The following ADAM10 variants were observed in gnomAD, a reference collection of about 807,000 sequenced individuals.
The protein encoded by ADAM10 is disintegrin and metalloproteinase domain-containing protein 10.
Under a neutral mutation model 90.1 loss-of-function variants are expected in ADAM10, and 17 were observed. The ratio of observed to expected loss-of-function variants is 0.19; its 90% CI spans 0.13 to 0.28. The LOEUF (loss-of-function observed/expected upper bound fraction) is 0.28. ADAM10 is among the 10% of genes least tolerant of loss of function. ADAM10 has a pLI of 1.00. For synonymous variants in ADAM10, 310 were observed against 298.6 expected (o/e 1.04, Z -0.40); for missense variants, 610 against 914.3 (o/e 0.67, Z 4.29).
chr15:58,733,637 T>A lies in ADAM10; in HGVS notation c.55+15843A>T, dbSNP rs58271815. On this transcript the variant is annotated intron_variant, in intron 1 of 15. Transcript: ENST00000260408. ...CATTCATGGAACCAATCCCCATAGA[T>A]ACTGAGGGAGAAACTGCATAACCTC... 6.5e-4 allele frequency among the ~76,000 whole-genome samples: 99 copies of A among 152,234 alleles called. No homozygotes were observed. In the East Asian group the frequency reaches 0.018, roughly 28 times the overall value.
At chr15:58,731,373 C>CT (rs1595664779) in intron 1 of ADAM10, among the ~76,000 whole-genome samples, 1 of 152,106 alleles carries the variant, frequency 6.6e-6, no homozygotes, top group Admixed American at 6.5e-5. Context: ...AATCCTAACA[C>CT]TTTGGGGGGC....
intron 1 of ADAM10, among the ~76,000 whole-genome samples, chr15:58,744,728 G>T (rs1327226638): frequency 1.3e-5 from 2 of 152,122 alleles, no homozygotes; most frequent in Admixed American, 6.5e-5. Flanking sequence ...ACCCAAAACT[G>T]GCCAGGCACA....
intron 14 of ADAM10, among the ~76,000 whole-genome samples, chr15:58,599,987 T>C (rs538047466): frequency 5.9e-5 from 9 of 152,266 alleles, no homozygotes; most frequent in Non-Finnish European, 7.4e-5. Context: ...TTAGTCTCTT[T>C]ACATATAACA....
At chr15:58,635,791 TAAAAAA>T (rs35001597) in intron 8 of ADAM10, among the ~76,000 whole-genome samples, 1 of 146,736 alleles carries the variant, frequency 6.8e-6, no homozygotes, top group African/African-American at 2.5e-5. Context: ...CTTTATCAGT[TAAAAAA>T]AAAAAAAGTA....
intron 5 of ADAM10, among the ~76,000 whole-genome samples, chr15:58,652,139 G>T (rs530607453): frequency 2.0e-5 from 3 of 152,054 alleles, no homozygotes; most frequent in East Asian, 3.9e-4. Flanking sequence ...ATATATTCTG[G>T]TTATTAATCC....
chr15:58,693,090 C>A, intron 2 of ADAM10: 1 of 746,250 alleles, frequency 1.3e-6, no homozygotes. Context: ...GGAAAATCTC[C>A]TTGTTGGAAT....
intron 1 of ADAM10, among the ~76,000 whole-genome samples, chr15:58,728,666 T>C (rs930141055): frequency 1.3e-5 from 2 of 152,178 alleles, no homozygotes; most frequent in African/African-American, 4.8e-5. Context: ...TTCCCTAAGA[T>C]ATAAAATTTA....
intron 2 of ADAM10, among the ~76,000 whole-genome samples, chr15:58,705,698 A>C (rs1268849593): frequency 6.6e-6 from 1 of 152,212 alleles, no homozygotes; most frequent in East Asian, 1.9e-4. Context: ...TACCTCCTAC[A>C]TCTTAATATA....
chr15:58,735,008 C>T (rs534268459), intron 1 of ADAM10, among the ~76,000 whole-genome samples: 1 of 152,254 alleles, frequency 6.6e-6, no homozygotes, highest in South Asian at 2.1e-4. Flanking sequence ...AGAGACTGGA[C>T]CTATCAACTG....
intron 5 of ADAM10, among the ~76,000 whole-genome samples, chr15:58,657,889 T>A (rs1172380486): frequency 9.9e-6 from 1 of 101,038 alleles, no homozygotes; most frequent in Non-Finnish European, 2.0e-5. Flanking sequence ...GGGGTTTGTG[T>A]TTTTTTTTTT....
chr15:58,694,050 A>G lies in ADAM10; in HGVS notation c.207-11736T>C, dbSNP rs76308871. 5.1e-3 allele frequency among the ~76,000 whole-genome samples: 774 copies of G among 152,336 alleles called. 14 individuals are homozygous for G. The highest frequency in any genetic ancestry group is 0.035 in the East Asian group (182 of 5,192). On this transcript the variant is annotated intron_variant, in intron 2 of 15. Coordinates refer to ENST00000260408, the MANE Select transcript of ADAM10 (RefSeq NM_001110.4). ...CCCTTTGCTAGAATAACATCTCCAA[A>G]TATTAGTAGGGTGTTGAGTACCTGG...
chr15:58,721,321 C>T (rs949602145), intron 1 of ADAM10, among the ~76,000 whole-genome samples: 2 of 152,122 alleles, frequency 1.3e-5, no homozygotes, highest in Non-Finnish European at 2.9e-5. Flanking sequence ...AAACACTTCC[C>T]CGGGACACAC....
intron 5 of ADAM10, among the ~76,000 whole-genome samples, chr15:58,654,476 T>G (rs1208415457): frequency 6.6e-6 from 1 of 152,126 alleles, no homozygotes; most frequent in African/African-American, 2.4e-5. Context: ...CCTCCTGGGT[T>G]CAAGCAATCC....
At chr15:58,616,024 A>G (rs1441694987) in intron 11 of ADAM10, among the ~76,000 whole-genome samples, 1 of 152,104 alleles carries the variant, frequency 6.6e-6, no homozygotes, top group African/African-American at 2.4e-5. Context: ...AAAACTGTGA[A>G]AAGAGACAAA....
At chr15:58,733,219 A>C (rs1899316237) in intron 1 of ADAM10, 1 of 152,260 alleles carries the variant, frequency 6.6e-6, no homozygotes, top group Admixed American at 6.5e-5. Flanking sequence ...TGACCTCTGA[A>C]TGTGAGCTGT....
intron 5 of ADAM10, among the ~76,000 whole-genome samples, chr15:58,652,465 C>T (rs1351307460): frequency 4.6e-5 from 7 of 152,114 alleles, no homozygotes; most frequent in African/African-American, 1.7e-4. Flanking sequence ...ATACGGATAT[C>T]CAGTTTTCCC....
At chr15:58,672,806 A>G (rs1393946442) in intron 4 of ADAM10, 1 of 133,632 alleles carries the variant, frequency 7.5e-6, no homozygotes, top group African/African-American at 2.9e-5. Context: ...AAAAAAAAAA[A>G]AAAAGGGAGA....
chr15:58,747,737 G>A (rs891840431), intron 1 of ADAM10: 2 of 152,100 alleles, frequency 1.3e-5, no homozygotes, highest in South Asian at 2.1e-4. Context: ...AAGGACTCTG[G>A]AAATATGAAT....
chr15:58,662,081 C>T (rs894970291), intron 5 of ADAM10, among the ~76,000 whole-genome samples: 1 of 152,002 alleles, frequency 6.6e-6, no homozygotes, highest in African/African-American at 2.4e-5. Flanking sequence ...TTATGAATCA[C>T]GTTTTTCAGT....
Sources: gnomAD v4.1 joint callset for allele counts (sites outside exome capture counted in the v4.1 genomes callset) on GRCh38, gnomAD v4.1.1 for gene constraint, MANE v1.5 for transcripts, NCBI Gene and HGNC (gene_info 2026-07-23, HGNC 2026-07-21) for gene names.